Variants in TRPC5 observed in about 807,000 individuals in gnomAD.
TRPC5 encodes the protein transient receptor potential cation channel subfamily C member 5.
TRPC5 carries 9 observed loss-of-function variants against 56.5 expected under a neutral mutation model. The ratio of observed to expected loss-of-function variants is 0.16; its 90% CI spans 0.10 to 0.28. The LOEUF is 0.28. TRPC5 is among the 10% of genes least tolerant of loss of function. The pLI, the probability that TRPC5 is intolerant of heterozygous loss-of-function variation, is 1.00. For missense variants in TRPC5, 469 were observed against 748.9 expected (o/e 0.63, Z 4.36); for synonymous variants, 282 against 278.5 (o/e 1.01, Z -0.13).
At chrX:111,966,816 G>A (rs1603121988) in intron 1 of TRPC5, among the ~76,000 whole-genome samples, 2 of 112,245 alleles carry the variant, frequency 1.8e-5, no homozygotes, top group East Asian at 2.8e-4. Flanking sequence ...ATTAGGTATT[G>A]ATGGGACGTA....
At chrX:111,778,063 G>A (rs1472397227) in intron 10 of TRPC5, among the ~76,000 whole-genome samples, 1 of 111,619 alleles carries the variant, frequency 9.0e-6, no homozygotes, top group Non-Finnish European at 1.9e-5. Context: ...TATGAATTAG[G>A]ATAATGGACT....
chrX:111,922,630 T>C (rs1032307224), intron 2 of TRPC5, among the ~76,000 whole-genome samples: 1 of 112,094 alleles, frequency 8.9e-6, no homozygotes, highest in African/African-American at 3.2e-5. Flanking sequence ...GGAGCAACCA[T>C]TGGCATGAGA....
At chrX:112,053,045 C>T (rs1010884544) in intron 1 of TRPC5, among the ~76,000 whole-genome samples, 3 of 111,519 alleles carry the variant, frequency 2.7e-5, no homozygotes, top group Admixed American at 9.5e-5. Context: ...CCCTCACCCA[C>T]TGAAGTATGA....
chrX:111,915,025 G>A (rs893245895), intron 2 of TRPC5, among the ~76,000 whole-genome samples: 3 of 108,522 alleles, frequency 2.8e-5, no homozygotes, highest in African/African-American at 1.0e-4. Context: ...GTATGGGTCT[G>A]CTTCCTACCA....
chrX:111,906,750 G>A (rs1014077693), intron 3 of TRPC5, among the ~76,000 whole-genome samples: 2 of 111,543 alleles, frequency 1.8e-5, no homozygotes, highest in African/African-American at 3.3e-5. Flanking sequence ...TCGACTCATC[G>A]AGAAAAATTC....
intron 1 of TRPC5, among the ~76,000 whole-genome samples, chrX:111,965,299 T>C (rs1320663297): frequency 4.5e-5 from 5 of 111,966 alleles, no homozygotes; most frequent in South Asian, 7.5e-4. Flanking sequence ...ATGCACCCAA[T>C]ACAGGAGCAC....
intron 3 of TRPC5, among the ~76,000 whole-genome samples, chrX:111,871,808 A>C (rs1390653382): frequency 2.7e-5 from 3 of 111,574 alleles, no homozygotes; most frequent in African/African-American, 9.8e-5. Context: ...CACTAAAACT[A>C]ATTTTGAATT....
At chrX:111,816,565 T>G (rs1921865076) in intron 7 of TRPC5, among the ~76,000 whole-genome samples, 2 of 112,121 alleles carry the variant, frequency 1.8e-5, no homozygotes, top group Admixed American at 1.9e-4. Flanking sequence ...AGTTTTAAAA[T>G]TCACGATTTC....
intron 4 of TRPC5, 75 bp from the exon 5 acceptor site, chrX:111,852,512 G>A: frequency 9.7e-7 from 1 of 1,026,008 alleles, no homozygotes. Flanking sequence ...CCCCCCTCCA[G>A]GTGAATAAGG....
At chrX:111,905,164 T>C (rs1925543898) in intron 3 of TRPC5, among the ~76,000 whole-genome samples, 1 of 106,546 alleles carries the variant, frequency 9.4e-6, no homozygotes, top group Admixed American at 9.8e-5. Context: ...TTGATTTTTA[T>C]GATTTTTTTT....
Position 111,876,937 on chromosome X carries a change from C to G in TRPC5, c.901-22831G>C, listed in dbSNP as rs769476672. ...CTTAGGTGTCATATTGTGTAGTCAT[C>G]ATGCTCAAATGCCTGGGAGCCTGAG... On this transcript the variant is annotated intron_variant, in intron 3 of 10. Coordinates refer to ENST00000262839, the MANE Select transcript of TRPC5 (RefSeq NM_012471.3). Among the ~76,000 whole-genome samples the G allele has an allele frequency of 5.7e-4, 64 of 111,437 alleles. 2 individuals are homozygous for G. Among genetic ancestry groups the G allele is most frequent in the Non-Finnish European group, 7.5e-5 (4 of 53,133 alleles).
At chrX:112,068,476 A>G (rs955855248) in intron 1 of TRPC5, among the ~76,000 whole-genome samples, 3 of 112,122 alleles carry the variant, frequency 2.7e-5, no homozygotes, top group African/African-American at 9.7e-5. Flanking sequence ...AGAAGAAAGT[A>G]TTTTGGGTAT....
chrX:112,078,028 C>T (rs1411673464), intron 1 of TRPC5, among the ~76,000 whole-genome samples: 1 of 111,172 alleles, frequency 9.0e-6, no homozygotes. Context: ...GCTTCCATTC[C>T]CCAAAACTAC....
chrX:111,796,600 A>G (rs965450279), intron 7 of TRPC5, among the ~76,000 whole-genome samples: 2 of 112,068 alleles, frequency 1.8e-5, no homozygotes, highest in Admixed American at 1.9e-4. Flanking sequence ...TAATGATTGC[A>G]CAGTGATTTT....
At chrX:111,834,508 G>A (rs1398674774) in intron 7 of TRPC5, among the ~76,000 whole-genome samples, 3 of 111,047 alleles carry the variant, frequency 2.7e-5, no homozygotes, top group African/African-American at 9.8e-5. Flanking sequence ...GGGATTCTTA[G>A]TTTTCAGAGG....
intron 2 of TRPC5, among the ~76,000 whole-genome samples, chrX:111,944,331 A>AGG (rs1926877326): frequency 9.2e-6 from 1 of 108,192 alleles, no homozygotes; most frequent in Non-Finnish European, 1.9e-5. Flanking sequence ...AGAGAGAGAG[A>AGG]GAGAGAGAAC....
intron 3 of TRPC5, among the ~76,000 whole-genome samples, chrX:111,907,643 AAATAATAAT>A (rs375222117): frequency 1.8e-5 from 2 of 109,276 alleles, no homozygotes; most frequent in African/African-American, 6.7e-5. Flanking sequence ...AAATAAAAAT[AAATAATAAT>A]AATAATAATA....
chrX:111,899,886 T>A, intron 3 of TRPC5, among the ~76,000 whole-genome samples: 1 of 111,552 alleles, frequency 9.0e-6, no homozygotes, highest in Middle Eastern at 4.6e-3. Context: ...CTGCCTCTAG[T>A]ACCCGTTCTC....
chrX:112,048,750 T>A (rs1930135697), intron 1 of TRPC5, among the ~76,000 whole-genome samples: 2 of 112,655 alleles, frequency 1.8e-5, no homozygotes, highest in South Asian at 7.4e-4. Context: ...ATTGGTATTT[T>A]AATTTTTTCT....
Sources: gnomAD v4.1 joint callset for allele counts (sites outside exome capture counted in the v4.1 genomes callset) on GRCh38, gnomAD v4.1.1 for gene constraint, MANE v1.5 for transcripts, NCBI Gene and HGNC (gene_info 2026-07-23, HGNC 2026-07-21) for gene names.